TMEM9: variants seen among roughly 807,000 people sequenced by gnomAD.
The protein encoded by TMEM9 is transmembrane protein 9, also known as proton-transporting V-type ATPase complex assembly regulator TMEM9.
Under a neutral mutation model 22.8 loss-of-function variants are expected in TMEM9, and 13 were observed. The observed-to-expected ratio is 0.57, with a 90% CI of 0.37 to 0.91. The LOEUF (loss-of-function observed/expected upper bound fraction) is 0.91, where lower values mean the gene tolerates loss of function less well. Ranked by LOEUF, TMEM9 falls within the 40% of genes least tolerant of loss-of-function variation. The probability of loss-of-function intolerance (pLI) is 0.01; values close to 1 mark genes in which losing one functional copy is unlikely to be tolerated. For missense variants in TMEM9, 182 were observed against 238.1 expected, an observed-to-expected ratio of 0.76 and a Z score of 1.55; for synonymous variants, 88 against 93.0, an observed-to-expected ratio of 0.95 and a Z score of 0.31.
upstream of TMEM9, among the ~76,000 whole-genome samples, chr1:201,155,161 G>A (rs762388526): frequency 2.0e-5 from 3 of 152,216 alleles, no homozygotes; most frequent in Non-Finnish European, 4.4e-5. Context: ...CACCAGACCC[G>A]GAGTGAGGAC....
intron 4 of TMEM9, 29 bp from the exon 5 acceptor site, chr1:201,135,844 C>A (rs1172891620): frequency 3.2e-6 from 5 of 1,565,296 alleles, no homozygotes; most frequent in Non-Finnish European, 4.3e-6. Flanking sequence ...AAGAGAAGAT[C>A]TGGCACGGTA....
chr1:201,163,765 T>C (rs1666006105), intron 1 of TMEM9, among the ~76,000 whole-genome samples: 1 of 152,094 alleles, frequency 6.6e-6, no homozygotes, highest in Non-Finnish European at 1.5e-5. Context: ...GGCTCACTCA[T>C]ACATTGCTGG....
chr1:201,156,862 C>A (rs559226293), upstream of TMEM9, among the ~76,000 whole-genome samples: 1 of 152,194 alleles, frequency 6.6e-6, no homozygotes, highest in Non-Finnish European at 1.5e-5. Flanking sequence ...ATACAACAGA[C>A]AAATCACATG....
At chr1:201,153,165 G>A (rs1000418202) in intron 1 of TMEM9, among the ~76,000 whole-genome samples, 3 of 152,156 alleles carry the variant, frequency 2.0e-5, no homozygotes, top group African/African-American at 7.2e-5. Context: ...TAGTTACCCT[G>A]AACACATCAT....
chr1:201,153,270 T>C lies in TMEM9; in HGVS notation c.66+588A>G, dbSNP rs891224093. ...TATTTATCGGTAGCATATAAATTCATTGTCAGGAATGGTGGTGATGCCAAC... is the reference window on the plus strand; with the variant it reads ...TATTTATCGGTAGCATATAAATTCACTGTCAGGAATGGTGGTGATGCCAAC... On this transcript the variant is annotated intron_variant, in intron 1 of 4. Coordinates refer to ENST00000367330, the MANE Select transcript of TMEM9 (RefSeq NM_001288565.2). Among the ~76,000 whole-genome samples, 16 of 152,232 alleles carry C rather than the reference T, an allele frequency of 1.1e-4. 1 individual carries two copies. The highest frequency in any genetic ancestry group is 9.2e-4 in the Admixed American group (14 of 15,288).
intron 1 of TMEM9, among the ~76,000 whole-genome samples, chr1:201,162,669 A>C (rs1379536559): frequency 6.6e-6 from 1 of 152,182 alleles, no homozygotes; most frequent in Non-Finnish European, 1.5e-5. Flanking sequence ...AATTATTGGA[A>C]TCTAGGGCTA....
chr1:201,144,817 G>A (rs565503840), intron 3 of TMEM9: 1 of 152,320 alleles, frequency 6.6e-6, no homozygotes, highest in Admixed American at 6.5e-5. Context: ...GAACTGCTGG[G>A]CTAGATCACC....
At chr1:201,169,302 G>A (rs1409655179) in intron 1 of TMEM9, among the ~76,000 whole-genome samples, 2 of 152,184 alleles carry the variant, frequency 1.3e-5, no homozygotes, top group Non-Finnish European at 2.9e-5. Flanking sequence ...AATAGTACGA[G>A]TGTAACGTGA....
upstream of TMEM9, among the ~76,000 whole-genome samples, chr1:201,159,058 TATGAG>T (rs917900159): frequency 5.3e-5 from 8 of 152,088 alleles, no homozygotes; most frequent in Non-Finnish European, 1.2e-4. Context: ...CTCAAGCTCC[TATGAG>T]ATGATTGACT....
At chr1:201,159,484 T>TAC (rs60273477), upstream of TMEM9, among the ~76,000 whole-genome samples, 2,095 of 147,668 alleles carry the variant, frequency 0.014, 26 homozygotes, top group African/African-American at 0.033. Context: ...TGCCTTTTTA[T>TAC]ACACACACAC....
intron 3 of TMEM9, chr1:201,145,150 T>TC (rs1180397526): frequency 6.6e-6 from 1 of 152,300 alleles, no homozygotes; most frequent in Non-Finnish European, 1.5e-5. Context: ...GGCTGGGTCT[T>TC]CAATAGGCTG....
At chr1:201,136,641 T>C (rs1015903158) in intron 4 of TMEM9, among the ~76,000 whole-genome samples, 1 of 152,168 alleles carries the variant, frequency 6.6e-6, no homozygotes, top group African/African-American at 2.4e-5. Context: ...CTTTCAGAAC[T>C]GTTGCTGCCG....
At chr1:201,168,139 A>G (rs1183834214) in intron 1 of TMEM9, among the ~76,000 whole-genome samples, 1 of 152,240 alleles carries the variant, frequency 6.6e-6, no homozygotes, top group South Asian at 2.1e-4. Context: ...GTATGAATAT[A>G]CCACGATTCA....
At chr1:201,136,640 C>T (rs1664014398) in intron 4 of TMEM9, among the ~76,000 whole-genome samples, 1 of 152,198 alleles carries the variant, frequency 6.6e-6, no homozygotes, top group Non-Finnish European at 1.5e-5. Context: ...GCTTTCAGAA[C>T]TGTTGCTGCC....
intron 1 of TMEM9, among the ~76,000 whole-genome samples, chr1:201,165,127 T>G: frequency 7.3e-6 from 1 of 137,318 alleles, no homozygotes; most frequent in South Asian, 2.3e-4. Flanking sequence ...ACACATCACA[T>G]TTTATCACTT....
intron 1 of TMEM9, among the ~76,000 whole-genome samples, chr1:201,165,586 G>A (rs922121902): frequency 1.5e-4 from 23 of 152,002 alleles, no homozygotes; most frequent in African/African-American, 4.6e-4. Context: ...ACAGGTGTGC[G>A]CCACCACGCC....
In TMEM9 at chr1:201,134,930, C is replaced by T. The variant is rs1028049259; in HGVS notation, c.*733G>A. On this transcript the variant is annotated 3_prime_UTR_variant, in exon 5 of 5. Transcript: ENST00000367330. ...TGGTGTTCAGATCCACGCTCAGCCT[C>T]GAGTCTCATGTTCCAACCGACCGTC... 2.0e-5 allele frequency: 3 copies of T among 152,782 alleles called. No individual in the cohort carries two copies. Among genetic ancestry groups the T allele is most frequent in the Admixed American group, 6.5e-5 (1 of 15,274 alleles). 9.5% of individuals were successfully genotyped at this position (152,782 alleles called of 1,614,324 possible). A position where few individuals can be genotyped will look rare whatever the true frequency, so the allele number is the denominator to read the frequency against.
At chr1:201,165,150 TTATATATATA>T (rs57281429) in intron 1 of TMEM9, among the ~76,000 whole-genome samples, 24 of 87,080 alleles carry the variant, frequency 2.8e-4, no homozygotes, top group African/African-American at 3.2e-4. Flanking sequence ...TAAGAGAAAA[TTATATATATA>T]TATATATATA....
rs369767946 is a variant in TMEM9 at position 201,151,742 on chromosome 1, C to T, written c.158+19G>A. The T allele has an allele frequency of 4.4e-4, 694 of 1,589,340 alleles. No individual in the cohort carries two copies. Among genetic ancestry groups the T allele is most frequent in the Non-Finnish European group, 5.7e-4 (655 of 1,157,572 alleles). ...TTCAACTGGGTATAGCAGCCAGGGG[C>T]CTGCGTGTAATGCCTTACCAGTCCT... On this transcript the variant is annotated intron_variant, in intron 2 of 4. Coordinates refer to ENST00000367330, the MANE Select transcript of TMEM9 (RefSeq NM_001288565.2).
Sources: allele counts gnomAD v4.1 joint callset (sites outside exome capture counted in the v4.1 genomes callset), GRCh38; gene constraint gnomAD v4.1.1; transcripts MANE v1.5; gene names NCBI Gene and HGNC (gene_info 2026-07-23, HGNC 2026-07-21).